BCHE: variants seen among roughly 807,000 people sequenced by gnomAD.
The protein encoded by BCHE is butyrylcholinesterase.
A neutral mutation model predicts 51.3 loss-of-function variants in BCHE; 48 were observed. The observed-to-expected ratio is 0.94, with a 90% CI of 0.74 to 1.19. The LOEUF (loss-of-function observed/expected upper bound fraction) is 1.19, where lower values mean the gene tolerates loss of function less well. Among genes scored for constraint, BCHE ranks in the 50% most tolerant of loss-of-function variants. The pLI is 0.00. For missense variants in BCHE, 847 were observed against 708.2 expected, an observed-to-expected ratio of 1.20 and a Z score of -2.23; for synonymous variants, 251 against 238.0, an observed-to-expected ratio of 1.05 and a Z score of -0.50.
intron 3 of BCHE, among the ~76,000 whole-genome samples, chr3:165,776,316 T>C (rs1712469334): frequency 6.6e-6 from 1 of 151,912 alleles, no homozygotes; most frequent in South Asian, 2.1e-4. Context: ...AATGTACTTA[T>C]TGTGAAGGGG....
intron 2 of BCHE, among the ~76,000 whole-genome samples, chr3:165,788,336 T>G (rs188414562): frequency 6.6e-6 from 1 of 152,178 alleles, no homozygotes; most frequent in Non-Finnish European, 1.5e-5. Flanking sequence ...TGTACTAGTT[T>G]ATTTTATGGA....
intron 2 of BCHE, among the ~76,000 whole-genome samples, chr3:165,803,717 C>A (rs771877055): frequency 6.6e-6 from 1 of 151,900 alleles, no homozygotes; most frequent in Non-Finnish European, 1.5e-5. Flanking sequence ...TTGGCATAAG[C>A]AAGAGATATA....
At chr3:165,810,955 G>A (rs188418601) in intron 2 of BCHE, among the ~76,000 whole-genome samples, 70 of 152,174 alleles carry the variant, frequency 4.6e-4, no homozygotes, top group African/African-American at 1.7e-3. Flanking sequence ...AATACGTAGT[G>A]GAGTGAAGTA....
intron 1 of BCHE, among the ~76,000 whole-genome samples, chr3:165,836,645 T>C (rs897924482): frequency 1.3e-5 from 2 of 152,054 alleles, no homozygotes; most frequent in South Asian, 4.1e-4. Context: ...ACTATTTCTA[T>C]AATAGTAAAA....
chr3:165,832,046 A>G (rs1715008559), intron 1 of BCHE, among the ~76,000 whole-genome samples: 1 of 152,182 alleles, frequency 6.6e-6, no homozygotes. Context: ...TAGAGGATCA[A>G]AGCTTAGAAA....
intron 2 of BCHE, among the ~76,000 whole-genome samples, chr3:165,796,223 G>A (rs751523261): frequency 1.1e-4 from 17 of 152,062 alleles, no homozygotes; most frequent in Admixed American, 2.0e-4. Context: ...ATTGGATGAG[G>A]TTTCATCACT....
chr3:165,789,846 T>C (rs1267627392), intron 2 of BCHE, among the ~76,000 whole-genome samples: 1 of 152,176 alleles, frequency 6.6e-6, no homozygotes, highest in Non-Finnish European at 1.5e-5. Flanking sequence ...CAACCATATT[T>C]ATAAAGTGTG....
At chr3:165,829,437 A>G in intron 2 of BCHE, 80 bp downstream of exon 2, 1 of 1,196,040 alleles carries the variant, frequency 8.4e-7, no homozygotes, top group Non-Finnish European at 1.2e-6. Context: ...TTTATACTAA[A>G]GTCTACCCCA....
intron 3 of BCHE, among the ~76,000 whole-genome samples, chr3:165,784,137 T>A (rs1320359579): frequency 6.6e-6 from 1 of 151,910 alleles, no homozygotes. Context: ...TTAAAAAAAA[T>A]TCCAAAAACT....
chr3:165,809,767 T>C (rs1018047141), intron 2 of BCHE, among the ~76,000 whole-genome samples: 5 of 152,126 alleles, frequency 3.3e-5, no homozygotes, highest in African/African-American at 1.2e-4. Flanking sequence ...ACAAATCCTC[T>C]AAGAGAAGTG....
In BCHE at chr3:165,791,220, G is replaced by A. The variant is rs150693850; in HGVS notation, c.1518-4909C>T. ...TGAGGCAGGAGAATGGCTTGAACCCGGGAGGTGGAGGTTGCAATGAGCCGA... is the reference window on the plus strand; with the variant it reads ...TGAGGCAGGAGAATGGCTTGAACCCAGGAGGTGGAGGTTGCAATGAGCCGA... On this transcript the variant is annotated intron_variant, in intron 2 of 3. Transcript: ENST00000264381. Among the ~76,000 whole-genome samples the A allele has an allele frequency of 4.2e-3, 634 of 150,770 alleles. 3 individuals carry two copies. Among genetic ancestry groups the A allele is most frequent in the African/African-American group, 0.015 (599 of 40,958 alleles).
chr3:165,827,154 T>C lies in BCHE; in HGVS notation c.1517+2363A>G, dbSNP rs2108232559. On this transcript the variant is annotated intron_variant, in intron 2 of 3. Coordinates refer to ENST00000264381, the MANE Select transcript of BCHE (RefSeq NM_000055.4). ...TAATTATTCAAAGCTTCTATATTAA[T>C]TCGCATGTATACTTTGAAAGTAGAT... Among the ~76,000 whole-genome samples the C allele has an allele frequency of 2.6e-5, 4 of 152,264 alleles. 1 individual carries two copies. Among genetic ancestry groups the C allele is most frequent in the Admixed American group, 2.6e-4 (4 of 15,270 alleles).
At chr3:165,835,185 A>C (rs1715147223) in intron 1 of BCHE, among the ~76,000 whole-genome samples, 1 of 82,890 alleles carries the variant, frequency 1.2e-5, no homozygotes. Context: ...CAAATAAAAA[A>C]GGTGACAAAT....
At chr3:165,791,796 T>G (rs938512867) in intron 2 of BCHE, among the ~76,000 whole-genome samples, 11 of 151,270 alleles carry the variant, frequency 7.3e-5, no homozygotes, top group Non-Finnish European at 1.6e-4. Flanking sequence ...CTACTGAAAA[T>G]ACAAAAATTA....
intron 2 of BCHE, among the ~76,000 whole-genome samples, chr3:165,811,757 T>C (rs1714106545): frequency 6.6e-6 from 1 of 152,022 alleles, no homozygotes; most frequent in Non-Finnish European, 1.5e-5. Context: ...AGTTAGAGCC[T>C]AAACACAGAA....
Position 165,829,912 on chromosome 3 carries a change from A to G in BCHE, c.1122T>C (p.Thr374=), listed in dbSNP as rs1714883746. 1 of 1,612,072 alleles carries G rather than the reference A, an allele frequency of 6.2e-7. No individual in the cohort carries two copies. The highest frequency in any genetic ancestry group is 8.5e-7 in the Non-Finnish European group (1 of 1,179,506). ...GFSKDNNSII[T]RKEFQEGLKI... is the part of the protein sequence containing the mutation. ...TTAAACCTTCCTGAAATTCTTTTCT[A>G]GTTATGATACTATTGTTATCTTTGC... is the stretch of plus-strand genomic sequence containing the variant. Residue 374 remains threonine (T), a synonymous_variant, in exon 2 of 4, where the codon ACT becomes ACC. Transcript: ENST00000264381.
intron 2 of BCHE, among the ~76,000 whole-genome samples, chr3:165,796,089 C>T (rs76055703): frequency 0.019 from 2,861 of 152,034 alleles, 91 homozygotes; most frequent in African/African-American, 0.066. Flanking sequence ...TCATCCAGCA[C>T]TAATAAAGGG....
intron 2 of BCHE, among the ~76,000 whole-genome samples, chr3:165,823,515 TGA>T (rs1714605905): frequency 1.3e-5 from 2 of 152,000 alleles, no homozygotes; most frequent in Admixed American, 1.3e-4. Flanking sequence ...GAATGCCAAT[TGA>T]TAATGGAATA....
chr3:165,785,839 A>G (rs555500700), intron 3 of BCHE, among the ~76,000 whole-genome samples: 56 of 151,826 alleles, frequency 3.7e-4, no homozygotes, highest in African/African-American at 1.3e-3. Flanking sequence ...TTCCACAAAG[A>G]TTATCTGAAT....
Sources: allele counts gnomAD v4.1 joint callset (sites outside exome capture counted in the v4.1 genomes callset), GRCh38; gene constraint gnomAD v4.1.1; transcripts MANE v1.5; gene names NCBI Gene and HGNC (gene_info 2026-07-23, HGNC 2026-07-21).